Variants in SPOCK3 observed in about 807,000 individuals in gnomAD.
The protein encoded by SPOCK3 is SPARC (osteonectin), cwcv and kazal like domains proteoglycan 3, also known as testican-3.
In SPOCK3, 30 loss-of-function variants were observed where a neutral mutation model predicts 56.6. That is an observed-to-expected ratio of 0.53 (90% CI 0.40 to 0.72). The LOEUF (loss-of-function observed/expected upper bound fraction) is 0.72. Among genes scored for constraint, SPOCK3 ranks in the 30% least tolerant of loss-of-function variants. The pLI, the probability that SPOCK3 is intolerant of heterozygous loss-of-function variation, is 0.00. For synonymous variants in SPOCK3, 196 were observed against 183.3 expected (o/e 1.07, Z -0.56); for missense variants, 527 against 530.0 (o/e 0.99, Z 0.06).
chr4:166,977,794 G>A (rs544340689), intron 4 of SPOCK3, among the ~76,000 whole-genome samples: 1 of 152,200 alleles, frequency 6.6e-6, no homozygotes, highest in East Asian at 1.9e-4. Context: ...TCTTCCATTA[G>A]TTGGGAAGGC....
intron 8 of SPOCK3, among the ~76,000 whole-genome samples, chr4:166,749,883 C>T (rs1342343868): frequency 1.3e-5 from 2 of 151,944 alleles, no homozygotes; most frequent in Non-Finnish European, 2.9e-5. Context: ...AGGAAAGAGT[C>T]CAGCTGAAGT....
chr4:166,804,536 G>T (rs1178624196), intron 6 of SPOCK3, among the ~76,000 whole-genome samples: 1 of 152,086 alleles, frequency 6.6e-6, no homozygotes, highest in East Asian at 1.9e-4. Flanking sequence ...GGATGTAATT[G>T]TTACCATCTA....
intron 4 of SPOCK3, among the ~76,000 whole-genome samples, chr4:166,917,193 A>G (rs1737953373): frequency 6.6e-6 from 1 of 152,226 alleles, no homozygotes; most frequent in Non-Finnish European, 1.5e-5. Context: ...AAATCATAAA[A>G]ATAAATGGTA....
At chr4:167,202,789 T>C (rs1048793719) in intron 2 of SPOCK3, among the ~76,000 whole-genome samples, 9 of 151,776 alleles carry the variant, frequency 5.9e-5, no homozygotes, top group African/African-American at 1.2e-4. Flanking sequence ...TTGCTTTTTT[T>C]CCCCTATTCA....
At chr4:166,776,890 A>G (rs1403558527) in intron 7 of SPOCK3, among the ~76,000 whole-genome samples, 1 of 152,214 alleles carries the variant, frequency 6.6e-6, no homozygotes, top group Non-Finnish European at 1.5e-5. Flanking sequence ...GGAAATAAAC[A>G]ATAAGTAAAT....
intron 6 of SPOCK3, among the ~76,000 whole-genome samples, chr4:166,865,482 G>T (rs1357430114): frequency 6.6e-6 from 1 of 152,190 alleles, no homozygotes; most frequent in Non-Finnish European, 1.5e-5. Flanking sequence ...AAGAGAGGAA[G>T]TCAAAGTGTC....
At chr4:167,151,368 C>T (rs1267926241) in intron 2 of SPOCK3, among the ~76,000 whole-genome samples, 1 of 151,500 alleles carries the variant, frequency 6.6e-6, no homozygotes, top group African/African-American at 2.4e-5. Flanking sequence ...CTGCCAACAA[C>T]CCCAAAGGCT....
At position 167,081,481 on chromosome 4, in the gene SPOCK3, A is replaced by G. The variant is rs138494102; in HGVS notation, c.190-18944T>C. On this transcript the variant is annotated intron_variant, in intron 2 of 10. Coordinates refer to ENST00000357545, the MANE Select transcript of SPOCK3 (RefSeq NM_001040159.2). ...ACTCACTCACTCACTCATGCATATTATGTTCATGTGTAGTTAATATGAAAT... is the reference window on the plus strand; with the variant it reads ...ACTCACTCACTCACTCATGCATATTGTGTTCATGTGTAGTTAATATGAAAT... Among the ~76,000 whole-genome samples, 1,110 of 152,162 alleles carry G rather than the reference A, an allele frequency of 7.3e-3. 23 individuals are homozygous for G. Among genetic ancestry groups the G allele is most frequent in the African/African-American group, 0.025 (1,040 of 41,538 alleles).
chr4:166,984,801 A>C (rs960260376), intron 4 of SPOCK3, among the ~76,000 whole-genome samples: 5 of 152,180 alleles, frequency 3.3e-5, no homozygotes, highest in Admixed American at 2.6e-4. Context: ...ACTACAGACC[A>C]TGAAATGTAT....
chr4:167,225,261 A>G (rs974686119), intron 2 of SPOCK3, among the ~76,000 whole-genome samples: 5 of 152,130 alleles, frequency 3.3e-5, no homozygotes, highest in Non-Finnish European at 7.3e-5. Flanking sequence ...TTATTAGGCC[A>G]TTATTCTTAA....
At chr4:166,961,229 C>A (rs147589739) in intron 4 of SPOCK3, among the ~76,000 whole-genome samples, 1 of 148,788 alleles carries the variant, frequency 6.7e-6, no homozygotes, top group Admixed American at 6.7e-5. Flanking sequence ...CCTTTAAATA[C>A]GTGAGTCTTA....
chr4:166,848,346 C>T (rs1356755222), intron 6 of SPOCK3, among the ~76,000 whole-genome samples: 2 of 152,124 alleles, frequency 1.3e-5, no homozygotes, highest in African/African-American at 4.8e-5. Context: ...ATTTGCCTGC[C>T]GTTTACCTCT....
intron 3 of SPOCK3, among the ~76,000 whole-genome samples, chr4:167,046,095 C>T (rs1242648076): frequency 6.6e-6 from 1 of 152,006 alleles, no homozygotes; most frequent in African/African-American, 2.4e-5. Context: ...ATTCTTCTAA[C>T]TTGTTTTTTT....
intron 2 of SPOCK3, among the ~76,000 whole-genome samples, chr4:167,150,851 G>A (rs887212778): frequency 1.3e-5 from 2 of 152,154 alleles, no homozygotes; most frequent in Non-Finnish European, 2.9e-5. Flanking sequence ...GCAATTCATT[G>A]TATCAACACA....
At chr4:166,824,311 A>G (rs1235086541) in intron 6 of SPOCK3, among the ~76,000 whole-genome samples, 1 of 152,096 alleles carries the variant, frequency 6.6e-6, no homozygotes, top group Non-Finnish European at 1.5e-5. Context: ...ATAACTAAAA[A>G]AGTAGAGCCT....
chr4:166,807,847 C>T (rs1743343236), intron 6 of SPOCK3, among the ~76,000 whole-genome samples: 1 of 152,044 alleles, frequency 6.6e-6, no homozygotes, highest in Non-Finnish European at 1.5e-5. Flanking sequence ...ATTTTCTCTG[C>T]TCCTAAATTT....
chr4:167,204,528 C>T (rs547066117), intron 2 of SPOCK3, among the ~76,000 whole-genome samples: 3 of 152,134 alleles, frequency 2.0e-5, no homozygotes, highest in Non-Finnish European at 4.4e-5. Context: ...CATCCACTAT[C>T]ATGAGAACAC....
chr4:166,830,018 A>G (rs2126790500), intron 6 of SPOCK3, among the ~76,000 whole-genome samples: 1 of 152,248 alleles, frequency 6.6e-6, no homozygotes, highest in South Asian at 2.1e-4. Flanking sequence ...GAATTTTTAA[A>G]TGCTCACCTT....
intron 7 of SPOCK3, among the ~76,000 whole-genome samples, chr4:166,772,397 T>G (rs1360746642): frequency 1.3e-5 from 2 of 152,104 alleles, no homozygotes; most frequent in Admixed American, 1.3e-4. Context: ...ACCTCCTAAG[T>G]ATATCAATGA....
Sources: allele counts gnomAD v4.1 joint callset (sites outside exome capture counted in the v4.1 genomes callset), GRCh38; gene constraint gnomAD v4.1.1; transcripts MANE v1.5; gene names NCBI Gene and HGNC (gene_info 2026-07-23, HGNC 2026-07-21).